The following HECW2 variants were observed in gnomAD, a reference collection of about 807,000 sequenced individuals.
The protein encoded by HECW2 is HECT, C2 and WW domain containing E3 ubiquitin protein ligase 2, also known as E3 ubiquitin-protein ligase HECW2.
In HECW2, 61 loss-of-function variants were observed where a neutral mutation model predicts 175.2. The observed-to-expected ratio is 0.35, with a 90% CI of 0.28 to 0.43. The LOEUF (loss-of-function observed/expected upper bound fraction) is 0.43. Among genes scored for constraint, HECW2 ranks in the 20% least tolerant of loss-of-function variants. The pLI, the probability that HECW2 is intolerant of heterozygous loss-of-function variation, is 1.00. For synonymous variants in HECW2, 671 were observed against 731.0 expected, an observed-to-expected ratio of 0.92 and a Z score of 1.32; for missense variants, 1,524 against 2,000.5, an observed-to-expected ratio of 0.76 and a Z score of 4.54.
chr2:196,430,542 A>G (rs1271463070), intron 2 of HECW2, among the ~76,000 whole-genome samples: 1 of 152,238 alleles, frequency 6.6e-6, no homozygotes, highest in African/African-American at 2.4e-5. Flanking sequence ...GAACAAAAAT[A>G]TGATCTGAAT....
chr2:196,444,451 C>T (rs1169181634), intron 1 of HECW2, among the ~76,000 whole-genome samples: 1 of 152,134 alleles, frequency 6.6e-6, no homozygotes, highest in Non-Finnish European at 1.5e-5. Flanking sequence ...GTCTATACTC[C>T]ATAGAGTACA....
chr2:196,263,652 C>G (rs56150124), intron 17 of HECW2: 2 of 152,194 alleles, frequency 1.3e-5, no homozygotes, highest in African/African-American at 4.8e-5. Flanking sequence ...TTGACAGATA[C>G]AGCCGAGCAG....
At chr2:196,586,189 A>G (rs1312717382) in intron 1 of HECW2, among the ~76,000 whole-genome samples, 3 of 152,180 alleles carry the variant, frequency 2.0e-5, no homozygotes, top group African/African-American at 4.8e-5. Flanking sequence ...TTTACAGTCA[A>G]TGTGAACTTC....
chr2:196,535,917 TA>T (rs367669804), intron 1 of HECW2, among the ~76,000 whole-genome samples: 380 of 151,678 alleles, frequency 2.5e-3, no homozygotes, highest in Non-Finnish European at 3.8e-3. Context: ...TATTATGTGT[TA>T]AAAAAAAATC....
intron 14 of HECW2, chr2:196,288,451 A>G (rs966732233): frequency 6.6e-6 from 1 of 152,268 alleles, no homozygotes; most frequent in Non-Finnish European, 1.5e-5. Flanking sequence ...AACAACATGG[A>G]CAGCAAAGAA....
intron 28 of HECW2, among the ~76,000 whole-genome samples, chr2:196,205,658 T>C (rs10206935): frequency 0.12 from 18,297 of 152,144 alleles, 1,196 homozygotes; most frequent in African/African-American, 0.17. Flanking sequence ...TTAGAGTGTA[T>C]CAAAATCACT....
At chr2:196,417,236 TATC>T (rs1695279846) in intron 2 of HECW2, among the ~76,000 whole-genome samples, 2 of 152,194 alleles carry the variant, frequency 1.3e-5, no homozygotes, top group Non-Finnish European at 2.9e-5. Flanking sequence ...TGATGAAAAA[TATC>T]ATACTTCACT....
chr2:196,572,230 T>G (rs1018615236), intron 1 of HECW2, among the ~76,000 whole-genome samples: 2 of 152,144 alleles, frequency 1.3e-5, no homozygotes, highest in Non-Finnish European at 2.9e-5. Flanking sequence ...TTGCCTAAGT[T>G]GGAGTGCAGT....
chr2:196,383,835 T>C (rs922499548), intron 2 of HECW2, among the ~76,000 whole-genome samples: 1 of 152,248 alleles, frequency 6.6e-6, no homozygotes, highest in Non-Finnish European at 1.5e-5. Flanking sequence ...GACGTGAACA[T>C]GGAAATCATA....
intron 1 of HECW2, among the ~76,000 whole-genome samples, chr2:196,530,072 A>C (rs569775152): frequency 6.6e-6 from 1 of 152,344 alleles, no homozygotes; most frequent in East Asian, 1.9e-4. Context: ...AAAGAAAAAA[A>C]TCAGAAGATC....
intron 10 of HECW2, chr2:196,316,729 T>C (rs1470882488): frequency 6.5e-6 from 1 of 153,462 alleles, no homozygotes; most frequent in Non-Finnish European, 1.5e-5. Flanking sequence ...TTTCTGAAAG[T>C]GAAATAAATG....
chr2:196,394,226 A>C (rs1352458284), intron 2 of HECW2, among the ~76,000 whole-genome samples: 2 of 152,180 alleles, frequency 1.3e-5, no homozygotes, highest in Non-Finnish European at 2.9e-5. Context: ...GGTGCAGCAC[A>C]CCAACATGGC....
chr2:196,562,653 G>A (rs755495910), intron 1 of HECW2, among the ~76,000 whole-genome samples: 10 of 152,178 alleles, frequency 6.6e-5, no homozygotes, highest in Non-Finnish European at 1.3e-4. Context: ...CATGTAAGGC[G>A]GGCTGTCCCA....
chr2:196,307,174 A>G lies in HECW2; in HGVS notation c.2645T>C (p.Ile882Thr). 2 of 1,614,032 alleles carry G rather than the reference A, an allele frequency of 1.2e-6. No homozygotes were observed. The highest frequency in any genetic ancestry group is 8.5e-7 in the Non-Finnish European group (1 of 1,179,918). ...GTCAGCTTCCTCCCCTGCCCCATCA[A>G]TAGCATTGGTATTTTCCTCAGGCCT... ...NERPEENTNA[I>T]DGAGEEADFH... The change falls in exon 12 of 29, where the codon ATT (isoleucine) becomes ACT (threonine). Residue 882 changes from isoleucine to threonine, a missense_variant. This residue lies in a region of HECW2 where 105 missense variants were observed against 98.1 expected (regional missense o/e 1.07). Coordinates refer to ENST00000644978, the MANE Select transcript of HECW2 (RefSeq NM_001348768.2).
intron 3 of HECW2, among the ~76,000 whole-genome samples, chr2:196,336,392 T>C (rs1253145398): frequency 6.6e-6 from 1 of 152,130 alleles, no homozygotes; most frequent in African/African-American, 2.4e-5. Flanking sequence ...GTAACATGCA[T>C]GGGGATTGAA....
At chr2:196,465,695 G>T (rs1267784793) in intron 1 of HECW2, among the ~76,000 whole-genome samples, 1 of 149,824 alleles carries the variant, frequency 6.7e-6, no homozygotes, top group Non-Finnish European at 1.5e-5. Context: ...TCCTAACTGT[G>T]CCATGCAAAT....
At chr2:196,202,757 G>C (rs1454072489) in intron 28 of HECW2, among the ~76,000 whole-genome samples, 1 of 152,150 alleles carries the variant, frequency 6.6e-6, no homozygotes, top group East Asian at 1.9e-4. Context: ...AATGTGAACA[G>C]GATCTGTTAT....
chr2:196,531,729 C>T (rs1463192163), intron 1 of HECW2, among the ~76,000 whole-genome samples: 1 of 151,848 alleles, frequency 6.6e-6, no homozygotes, highest in Non-Finnish European at 1.5e-5. Context: ...AGCCTTTGCA[C>T]ACGCTGTTAC....
chr2:196,527,826 CAT>C (rs1553534072), intron 1 of HECW2, among the ~76,000 whole-genome samples: 1 of 152,166 alleles, frequency 6.6e-6, no homozygotes, highest in Non-Finnish European at 1.5e-5. Flanking sequence ...TTTTAAGAAA[CAT>C]ATTTAAGTGA....
Sources: allele counts gnomAD v4.1 joint callset (sites outside exome capture counted in the v4.1 genomes callset), GRCh38; gene constraint gnomAD v4.1.1; regional missense constraint gnomAD v4.1.1; transcripts MANE v1.5; gene names NCBI Gene and HGNC (gene_info 2026-07-23, HGNC 2026-07-21).